PCDHGA5: variants seen among roughly 807,000 people sequenced by gnomAD.
PCDHGA5 encodes protocadherin gamma subfamily A, 5.
A neutral mutation model predicts 56.7 loss-of-function variants in PCDHGA5; 36 were observed. That is an observed-to-expected ratio of 0.64 (90% CI 0.49 to 0.84). PCDHGA5 has a LOEUF of 0.84. Among genes scored for constraint, PCDHGA5 ranks in the 40% least tolerant of loss-of-function variants. The pLI, the probability that PCDHGA5 is intolerant of heterozygous loss-of-function variation, is 0.00. For synonymous variants in PCDHGA5, 563 were observed against 520.2 expected (o/e 1.08, Z -1.12); for missense variants, 1,305 against 1,201.5 (o/e 1.09, Z -1.27).
rs72790062 is a variant in PCDHGA5, at chr5:141,476,031, C to A, written c.2422-18776C>A. On this transcript the variant is annotated intron_variant, in intron 1 of 3. Coordinates refer to ENST00000518069, the MANE Select transcript of PCDHGA5 (RefSeq NM_018918.3). The surrounding 1 kb of genome is among the most constrained non-coding windows in gnomAD (Gnocchi z 7.6). Reference sequence around the variant, plus strand: ...AAGCCATGTCGGACTCGGCGCCCAGCGCCCAAGCGCTAACCCGCTGAAAGT... The same window carrying A: ...AAGCCATGTCGGACTCGGCGCCCAGAGCCCAAGCGCTAACCCGCTGAAAGT... 6.9e-6 allele frequency: 10 copies of A among 1,457,214 alleles called. No homozygotes were observed. The highest frequency in any genetic ancestry group is 9.1e-6 in the Non-Finnish European group (10 of 1,094,860). 90.3% of individuals were successfully genotyped at this position (1,457,214 alleles called of 1,614,324 possible).
chr5:141,372,580 C>T (rs1363878149), intron 1 of PCDHGA5: 1 of 1,614,038 alleles, frequency 6.2e-7, no homozygotes, highest in Non-Finnish European at 8.5e-7. Flanking sequence ...TACTTTCAGC[C>T]TGGTGTCTGC....
chr5:141,402,789 T>C (rs1047869740), intron 1 of PCDHGA5: 2 of 952,520 alleles, frequency 2.1e-6, no homozygotes, highest in South Asian at 4.2e-5. Context: ...GTTCTGCGGC[T>C]ACACAAAACC....
chr5:141,389,490 G>T, intron 1 of PCDHGA5: 1 of 1,613,044 alleles, frequency 6.2e-7, no homozygotes, highest in South Asian at 1.1e-5. Flanking sequence ...CCGCGACCAG[G>T]GCTCGCCAGC....
At chr5:141,426,779 T>G in intron 1 of PCDHGA5, 6 of 456,698 alleles carry the variant, frequency 1.3e-5, no homozygotes, top group Non-Finnish European at 1.8e-5. Context: ...GGCCTCACTC[T>G]CTCCAGAGTT....
intron 3 of PCDHGA5, among the ~76,000 whole-genome samples, chr5:141,510,330 C>T (rs1420880240): frequency 6.6e-6 from 1 of 151,298 alleles, no homozygotes; most frequent in Non-Finnish European, 1.5e-5. Context: ...GCACTCTTCA[C>T]CCCCACCCCA....
At chr5:141,394,856 G>A (rs1008039711) in intron 1 of PCDHGA5, 1 of 1,613,792 alleles carries the variant, frequency 6.2e-7, no homozygotes, top group Non-Finnish European at 8.5e-7. Flanking sequence ...TGAAGCCTTC[G>A]GTCGACCCGA....
chr5:141,443,733 C>T (rs7723254), intron 1 of PCDHGA5, among the ~76,000 whole-genome samples: 16,856 of 152,062 alleles, frequency 0.11, 1,109 homozygotes, highest in African/African-American at 0.17. Context: ...TCATACATTT[C>T]CCTATCAGTG....
intron 2 of PCDHGA5, among the ~76,000 whole-genome samples, chr5:141,495,389 C>T (rs966648925): frequency 2.0e-5 from 3 of 152,204 alleles, no homozygotes; most frequent in African/African-American, 7.2e-5. Context: ...CTGGGCGGGG[C>T]ATGGAGCAGG....
intron 1 of PCDHGA5, chr5:141,405,281 G>A (rs1001215863): frequency 1.2e-6 from 2 of 1,614,158 alleles, no homozygotes; most frequent in Non-Finnish European, 1.7e-6. Flanking sequence ...CAACTATGCA[G>A]ACACACTCAT....
At chr5:141,388,360 A>C in intron 1 of PCDHGA5, 1 of 1,613,996 alleles carries the variant, frequency 6.2e-7, no homozygotes, top group South Asian at 1.1e-5. Context: ...TCTGCCCATG[A>C]TGCGGATATT....
intron 1 of PCDHGA5, among the ~76,000 whole-genome samples, chr5:141,472,213 C>T (rs1294676431): frequency 2.0e-5 from 3 of 152,178 alleles, no homozygotes; most frequent in African/African-American, 7.2e-5. Flanking sequence ...TAAGACCTTA[C>T]TCTCGATCAT....
In PCDHGA5 at chr5:141,408,711, A is replaced by T. The variant is rs763392682; in HGVS notation, c.2421+41960A>T. The T allele has an allele frequency of 9.3e-6, 15 of 1,612,568 alleles. No homozygotes were observed. In the East Asian group the frequency reaches 3.3e-4, roughly 36 times the overall value. On this transcript the variant is annotated intron_variant, in intron 1 of 3. Transcript: ENST00000518069. The stretch of plus-strand genomic sequence containing the variant: ...ATAAACATAAACTCAATTAAAGATT[A>T]TAAGATAAACTCTAATCCTTATTTT...
intron 1 of PCDHGA5, among the ~76,000 whole-genome samples, chr5:141,439,532 C>T (rs1030997598): frequency 6.6e-6 from 1 of 152,202 alleles, no homozygotes; most frequent in Admixed American, 6.5e-5. Context: ...CTACAGAACG[C>T]TGTCCTCTCA....
intron 1 of PCDHGA5, among the ~76,000 whole-genome samples, chr5:141,444,933 G>A (rs1004890599): frequency 3.3e-5 from 5 of 152,152 alleles, no homozygotes; most frequent in African/African-American, 1.2e-4. Context: ...AAAGAGGGAA[G>A]GAGGGAGGAG....
At chr5:141,497,464 T>C (rs1277760390) in intron 2 of PCDHGA5, among the ~76,000 whole-genome samples, 1 of 151,764 alleles carries the variant, frequency 6.6e-6, no homozygotes, top group Admixed American at 6.6e-5. Context: ...CTTGGAGATA[T>C]GGAGGAGAAG....
At chr5:141,421,843 G>C (rs769652818) in intron 1 of PCDHGA5, 1 of 1,613,798 alleles carries the variant, frequency 6.2e-7, no homozygotes, top group Non-Finnish European at 8.5e-7. Context: ...CCGAGAGAAA[G>C]AGGCTGCTCA....
chr5:141,462,512 A>C (rs1169461013), intron 1 of PCDHGA5, among the ~76,000 whole-genome samples: 1 of 152,106 alleles, frequency 6.6e-6, no homozygotes, highest in Non-Finnish European at 1.5e-5. Flanking sequence ...AACTAGATCA[A>C]GTTAGTAAGA....
Position 141,489,606 on chromosome 5 carries a change from G to A in PCDHGA5, c.2422-5201G>A. The stretch of plus-strand genomic sequence containing the variant: ...TGGAGCTAATCCGTGTAGAGGTAGA[G>A]ATCCTGGATCTCAATGACAACTCTC... On this transcript the variant is annotated intron_variant, in intron 1 of 3. Coordinates refer to ENST00000518069, the MANE Select transcript of PCDHGA5 (RefSeq NM_018918.3). This position sits in a 1 kb window ranked among gnomAD's most constrained non-coding sequence, Gnocchi z 4.5. The A allele has an allele frequency of 6.2e-7, 1 of 1,614,110 alleles. No homozygotes were observed.
chr5:141,422,877 C>A, intron 1 of PCDHGA5: 1 of 1,614,246 alleles, frequency 6.2e-7, no homozygotes. Context: ...TGTCGCTGAG[C>A]CTGTTCGTGC....
Sources: allele counts gnomAD v4.1 joint callset (sites outside exome capture counted in the v4.1 genomes callset), GRCh38; gene constraint gnomAD v4.1.1; non-coding constraint Gnocchi (gnomAD v3.1); transcripts MANE v1.5; gene names NCBI Gene and HGNC (gene_info 2026-07-23, HGNC 2026-07-21).